The following ASS1 variants were observed in gnomAD, a reference collection of about 807,000 sequenced individuals.
The protein encoded by ASS1 is argininosuccinate synthase 1, also known as argininosuccinate synthase.
A neutral mutation model predicts 60.5 loss-of-function variants in ASS1; 58 were observed. The observed-to-expected ratio is 0.96, with a 90% CI of 0.78 to 1.19. The LOEUF is 1.19. Ranked by LOEUF, ASS1 falls within the 50% of genes most tolerant of loss-of-function variation. ASS1 has a pLI of 0.00. For synonymous variants in ASS1, 200 were observed against 206.9 expected (o/e 0.97, Z 0.29); for missense variants, 454 against 547.3 (o/e 0.83, Z 1.70).
chr9:130,477,226 G>C lies in ASS1; in HGVS notation c.688+265G>C, dbSNP rs1846044401. On this transcript the variant is annotated intron_variant, in intron 9 of 14. Transcript: ENST00000352480. The surrounding 1 kb of genome is among the most constrained non-coding windows in gnomAD (Gnocchi z 4.2). ...TGGGCACCAGGTCTGGAATGAGAGCGCTCTAGTCCCTGAACAGCCACTCAA... is the reference window on the plus strand; with the variant it reads ...TGGGCACCAGGTCTGGAATGAGAGCCCTCTAGTCCCTGAACAGCCACTCAA... Among the ~76,000 whole-genome samples, 1 of 152,166 alleles carries C rather than the reference G, an allele frequency of 6.6e-6. No homozygotes were observed. Among genetic ancestry groups the C allele is most frequent in the Non-Finnish European group, 1.5e-5 (1 of 68,032 alleles).
chr9:130,485,607 A>T (rs1345936258), intron 11 of ASS1, among the ~76,000 whole-genome samples: 1 of 152,114 alleles, frequency 6.6e-6, no homozygotes, highest in Non-Finnish European at 1.5e-5. Context: ...CTACCGGCCT[A>T]CCCAGGATGG....
At chr9:130,474,518 G>A (rs140573164) in intron 8 of ASS1, among the ~76,000 whole-genome samples, 382 of 152,314 alleles carry the variant, frequency 2.5e-3, no homozygotes, top group African/African-American at 8.7e-3. Context: ...CCCTCGTACC[G>A]GCACCCTGGT....
chr9:130,463,540 C>T (rs1845655357), intron 4 of ASS1, among the ~76,000 whole-genome samples: 1 of 152,174 alleles, frequency 6.6e-6, no homozygotes, highest in Non-Finnish European at 1.5e-5. Flanking sequence ...CCTTCCTGGG[C>T]CTCAGTTTCC....
rs773665483 is a variant in ASS1 at position 130,470,885 on chromosome 9, G to A, written c.547G>A (p.Glu183Lys). The change falls in exon 7 of 15, where the codon GAG becomes AAG. Residue 183 changes from glutamate to lysine, a missense_variant. Coordinates refer to ENST00000352480, the MANE Select transcript of ASS1 (RefSeq NM_054012.4). This position sits in a 1 kb window ranked among gnomAD's most constrained non-coding sequence, Gnocchi z 4.3. The part of the protein sequence containing the change: ...VTPKNPWSMD[E>K]NLMHISYEAG... Reference sequence around the variant, plus strand: ...TCCCAAGAACCCGTGGAGCATGGATGAGAACCTCATGCACATCAGGTAAAT... The same window carrying A: ...TCCCAAGAACCCGTGGAGCATGGATAAGAACCTCATGCACATCAGGTAAAT... 2.5e-6 allele frequency: 4 copies of A among 1,614,146 alleles called. No individual in the cohort carries two copies. In the South Asian group the frequency reaches 3.3e-5, roughly 13 times the overall value.
rs1206628420 is a variant in ASS1 at position 130,477,516 on chromosome 9, G to A, written c.688+555G>A. 3.3e-5 allele frequency among the ~76,000 whole-genome samples: 5 copies of A among 152,272 alleles called. No homozygotes were observed. Among genetic ancestry groups the A allele is most frequent in the South Asian group, 4.2e-4 (2 of 4,816 alleles). On this transcript the variant is annotated intron_variant, in intron 9 of 14. Transcript: ENST00000352480. The surrounding 1 kb of genome is among the most constrained non-coding windows in gnomAD (Gnocchi z 4.2). The stretch of plus-strand genomic sequence containing the variant: ...AGCTGCGGCCACTCTTGCTCCCCTC[G>A]GCAGTGGAGGCTGTCCTGATCGCTC...
chr9:130,498,240 C>T (rs1337597803), intron 13 of ASS1, among the ~76,000 whole-genome samples: 2 of 152,130 alleles, frequency 1.3e-5, no homozygotes, highest in South Asian at 2.1e-4. Context: ...GATCCTCCTG[C>T]CTCCCAACAC....
At chr9:130,471,259 G>C (rs1053275705) in intron 7 of ASS1, among the ~76,000 whole-genome samples, 1 of 152,202 alleles carries the variant, frequency 6.6e-6, no homozygotes, top group Non-Finnish European at 1.5e-5. Flanking sequence ...AGAGCCCCGG[G>C]GCAGTCCCCA....
At chr9:130,461,036 C>T (rs1449326184) in intron 4 of ASS1, among the ~76,000 whole-genome samples, 1 of 152,070 alleles carries the variant, frequency 6.6e-6, no homozygotes, top group African/African-American at 2.4e-5. Context: ...AAAAAAGCTC[C>T]CGACCCATCT....
Position 130,452,255 on chromosome 9 carries a change from G to A in ASS1, c.27G>A (p.Leu9=). 1 of 1,614,228 alleles carries A rather than the reference G, an allele frequency of 6.2e-7. No individual in the cohort carries two copies. The highest frequency in any genetic ancestry group is 2.2e-5 in the East Asian group (1 of 44,882). Residue 9 remains leucine (L), a synonymous_variant, in exon 2 of 15, where the codon CTG becomes CTA. Coordinates refer to ENST00000352480, the MANE Select transcript of ASS1 (RefSeq NM_054012.4). ...TGTCCAGCAAAGGCTCCGTGGTTCT[G>A]GCCTACAGTGGCGGCCTGGACACCT... MSSKGSVV[L]AYSGGLDTSC...
chr9:130,463,268 G>A (rs906584108), intron 4 of ASS1, among the ~76,000 whole-genome samples: 11 of 152,230 alleles, frequency 7.2e-5, no homozygotes, highest in African/African-American at 2.4e-4. Flanking sequence ...AGACGTGCGC[G>A]GCCATTTTCT....
At chr9:130,471,092 G>C (rs1237381174) in intron 7 of ASS1, among the ~76,000 whole-genome samples, 188 bp downstream of exon 7, 2 of 152,210 alleles carry the variant, frequency 1.3e-5, no homozygotes, top group Non-Finnish European at 2.9e-5. Context: ...GTTCTGCTGA[G>C]TGTTGTTGGG....
In ASS1 at chr9:130,476,636, G is replaced by T. The variant is rs577548998; in HGVS notation, c.598-235G>T. 6.9e-5 allele frequency: 41 copies of T among 596,200 alleles called. No individual in the cohort carries two copies. The highest frequency in any genetic ancestry group is 5.8e-4 in the African/African-American group (31 of 53,880). The allele number at this position is 596,200 out of a possible 1,614,324, so 36.9% of individuals were successfully genotyped here. On this transcript the variant is annotated intron_variant, in intron 8 of 14. Coordinates refer to ENST00000352480, the MANE Select transcript of ASS1 (RefSeq NM_054012.4). This position sits in a 1 kb window ranked among gnomAD's most constrained non-coding sequence, Gnocchi z 4.9. ...CAGCTGTGGGGGCGTCGAAGAAAAAGATGAGATCAAGTTGAGGGGAAAAAT... is the reference window on the plus strand; with the variant it reads ...CAGCTGTGGGGGCGTCGAAGAAAAATATGAGATCAAGTTGAGGGGAAAAAT...
At chr9:130,458,345 T>G (rs1257635589) in intron 3 of ASS1, 56 bp from the exon 4 acceptor site, 9 of 1,607,954 alleles carry the variant, frequency 5.6e-6, no homozygotes, top group Non-Finnish European at 7.7e-6. Flanking sequence ...GGGCTCTGTA[T>G]GCCAGATGGC....
chr9:130,480,331 T>C, intron 10 of ASS1, 54 bp from the exon 11 acceptor site: 1 of 1,606,488 alleles, frequency 6.2e-7, no homozygotes, highest in Non-Finnish European at 8.5e-7. Context: ...GCTGGGTGGG[T>C]GACTCTGAGC....
At chr9:130,481,431 C>T (rs1846172086) in intron 11 of ASS1, among the ~76,000 whole-genome samples, 1 of 152,182 alleles carries the variant, frequency 6.6e-6, no homozygotes, top group Non-Finnish European at 1.5e-5. Context: ...AAAGATACCA[C>T]AACCAAATAT....
At chr9:130,446,089 C>T (rs1049711048) in intron 1 of ASS1, among the ~76,000 whole-genome samples, 3 of 152,176 alleles carry the variant, frequency 2.0e-5, no homozygotes, top group African/African-American at 7.2e-5. Flanking sequence ...TGGGCTCAAG[C>T]GACCCTCCTC....
Position 130,494,789 on chromosome 9 carries a change from C to A in ASS1, c.971-78C>A. 2 of 1,562,816 alleles carry A rather than the reference C, an allele frequency of 1.3e-6. No individual in the cohort carries two copies. Among genetic ancestry groups the A allele is most frequent in the Non-Finnish European group, 1.8e-6 (2 of 1,136,074 alleles). On this transcript the variant is annotated intron_variant, in intron 12 of 14. Coordinates refer to ENST00000352480, the MANE Select transcript of ASS1 (RefSeq NM_054012.4). The surrounding 1 kb of genome is among the most constrained non-coding windows in gnomAD (Gnocchi z 4.3). ...ATGGCGGGGTAAACCATGGGGCACC[C>A]TTCCTGTGCCCCAGGTCTCCCTGTG...
At chr9:130,447,150 G>A (rs1845213652) in intron 1 of ASS1, among the ~76,000 whole-genome samples, 1 of 152,210 alleles carries the variant, frequency 6.6e-6, no homozygotes, top group East Asian at 1.9e-4. Context: ...ATGACTCACT[G>A]GGGGGCTGGT....
chr9:130,451,421 C>A (rs1252890447), intron 1 of ASS1, among the ~76,000 whole-genome samples: 3 of 152,120 alleles, frequency 2.0e-5, no homozygotes, highest in African/African-American at 7.2e-5. Context: ...TCTACCTCCA[C>A]ACTGGGGGAA....
Sources: allele counts gnomAD v4.1 joint callset (sites outside exome capture counted in the v4.1 genomes callset), GRCh38; gene constraint gnomAD v4.1.1; non-coding constraint Gnocchi (gnomAD v3.1); transcripts MANE v1.5; gene names NCBI Gene and HGNC (gene_info 2026-07-23, HGNC 2026-07-21).